The following SELP variants were observed in gnomAD, a reference collection of about 807,000 sequenced individuals.
SELP encodes selectin P, also known as P-selectin.
SELP carries 92 observed loss-of-function variants against 104.1 expected under a neutral mutation model. The ratio of observed to expected loss-of-function variants is 0.88; its 90% CI spans 0.75 to 1.05. The LOEUF (loss-of-function observed/expected upper bound fraction) is 1.05. SELP is among the 50% of genes least tolerant of loss of function. The probability of loss-of-function intolerance (pLI) is 0.00; values close to 1 mark genes in which losing one functional copy is unlikely to be tolerated. For synonymous variants in SELP, 397 were observed against 364.5 expected, an observed-to-expected ratio of 1.09 and a Z score of -1.01; for missense variants, 1,022 against 1,017.3, an observed-to-expected ratio of 1.00 and a Z score of -0.06.
At chr1:169,622,611 C>A (rs1405178439) in intron 1 of SELP, among the ~76,000 whole-genome samples, 2 of 152,152 alleles carry the variant, frequency 1.3e-5, no homozygotes, top group Non-Finnish European at 2.9e-5. Flanking sequence ...CTTGTCAAAA[C>A]TTGCAGTATA....
Position 169,602,680 on chromosome 1 carries a change from C to G in SELP, c.1705+346G>C, listed in dbSNP as rs143745175. Among the ~76,000 whole-genome samples the G allele has an allele frequency of 7.6e-3, 1,154 of 152,254 alleles. 14 individuals are homozygous for G. The highest frequency in any genetic ancestry group is 0.026 in the African/African-American group (1,084 of 41,540). ...AGGCTGGAGTGCAATGGCACAATCT[C>G]AGCTCACTGCAACCTCCACCTCCTG... On this transcript the variant is annotated intron_variant, in intron 10 of 16. Transcript: ENST00000263686.
Position 169,588,951 on chromosome 1 carries a change from TA to T in SELP, c.*511del, listed in dbSNP as rs111784512. On this transcript the variant is annotated 3_prime_UTR_variant, in exon 17 of 17. Transcript: ENST00000263686. The stretch of plus-strand genomic sequence containing the variant: ...AGGTCCACGGTGACATGTGGCCTTC[TA>T]GCTTGATTCTTGGCCTTCTGCAGCC... The T allele has an allele frequency of 2.0e-5, 3 of 152,214 alleles. No homozygotes were observed. Among genetic ancestry groups the T allele is most frequent in the African/African-American group, 7.2e-5 (3 of 41,450 alleles). The allele number at this position is 152,214 out of a possible 1,614,324, so 9.4% of individuals were successfully genotyped here. A position where few individuals can be genotyped will look rare whatever the true frequency, so the allele number is the denominator to read the frequency against.
intron 8 of SELP, among the ~76,000 whole-genome samples, chr1:169,607,403 A>G (rs574369246): frequency 1.2e-4 from 19 of 152,308 alleles, no homozygotes; most frequent in African/African-American, 4.6e-4. Flanking sequence ...CTAAGTATGT[A>G]ATCAAGATGC....
In SELP at chr1:169,603,108, G is replaced by A. The variant is rs112018088; in HGVS notation, c.1623C>T (p.Asp541=). ...CTGGTCCAGACAAAGAATATCCCTC[G>A]TCACAGATGAATTGACATGTGGATT... ...SYKSTCQFIC[D]EGYSLSGPER... The change falls in exon 10 of 17, where the codon GAC becomes GAT. Residue 541 remains aspartate, a synonymous_variant. Transcript: ENST00000263686. The A allele has an allele frequency of 1.4e-4, 228 of 1,613,922 alleles. No homozygotes were observed. In the African/African-American group the frequency reaches 1.8e-3, roughly 13 times the overall value.
chr1:169,612,899 G>A, intron 5 of SELP, 30 bp downstream of exon 5: 1 of 1,521,950 alleles, frequency 6.6e-7, no homozygotes, highest in South Asian at 1.3e-5. Context: ...TTCTATGTCA[G>A]TGAGGATGAA....
chr1:169,625,382 G>A (rs1663325374), intron 1 of SELP, among the ~76,000 whole-genome samples: 1 of 152,130 alleles, frequency 6.6e-6, no homozygotes, highest in Admixed American at 6.5e-5. Context: ...CCACCTCCAT[G>A]GCCCTATTCT....
Position 169,609,521 on chromosome 1 carries a change from G to A in SELP, c.1316C>T (p.Pro439Leu). 1 of 1,613,466 alleles carries A rather than the reference G, an allele frequency of 6.2e-7. No individual in the cohort carries two copies. The part of the protein sequence containing the change: ...RCDNLGQWTA[P>L]APVCQALQCQ... Reference sequence around the variant, plus strand: ...TACAGTACCTTGACAGACTGGGGCTGGTGCTGTCCACTGTCCCAAGTTATC... The same window carrying A: ...TACAGTACCTTGACAGACTGGGGCTAGTGCTGTCCACTGTCCCAAGTTATC... Residue 439 changes from proline to leucine, a missense_variant, in exon 8 of 17, where the codon CCA becomes CTA. Coordinates refer to ENST00000263686, the MANE Select transcript of SELP (RefSeq NM_003005.4).
intron 4 of SELP, 40 bp downstream of exon 4, chr1:169,613,546 G>T: frequency 6.7e-7 from 1 of 1,494,300 alleles, no homozygotes; most frequent in Non-Finnish European, 9.3e-7. Context: ...ATCATCTCTA[G>T]CATAAAACCA....
intron 10 of SELP, among the ~76,000 whole-genome samples, chr1:169,602,545 G>A (rs1374053174): frequency 6.6e-6 from 1 of 152,130 alleles, no homozygotes; most frequent in Middle Eastern, 3.2e-3. Context: ...AGATGATACT[G>A]CCTTTCCTTA....
intron 8 of SELP, among the ~76,000 whole-genome samples, chr1:169,609,120 TA>T (rs146079782): frequency 0.025 from 3,787 of 152,196 alleles, 161 homozygotes; most frequent in African/African-American, 0.081. Context: ...TTACAGAAGA[TA>T]CTGAGCCTCA....
At chr1:169,619,305 G>A (rs1662977430) in intron 1 of SELP, 86 bp from the exon 2 acceptor site, 2 of 1,009,970 alleles carry the variant, frequency 2.0e-6, no homozygotes, top group East Asian at 2.4e-5. Flanking sequence ...TCATTATGTT[G>A]AAGTATAATT....
chr1:169,593,235 A>C (rs1287249216), intron 14 of SELP, among the ~76,000 whole-genome samples: 1 of 152,236 alleles, frequency 6.6e-6, no homozygotes, highest in African/African-American at 2.4e-5. Flanking sequence ...GAGTGAAGTC[A>C]GGAAGCATAA....
chr1:169,630,033 C>G, intron 1 of SELP, 39 bp downstream of exon 1: 1 of 1,614,050 alleles, frequency 6.2e-7, no homozygotes, highest in East Asian at 2.2e-5. Context: ...CACTCCAACT[C>G]ACTTCAACCA....
chr1:169,596,169 C>T (rs1407465554), intron 11 of SELP, 35 bp from the exon 12 acceptor site: 1 of 1,587,472 alleles, frequency 6.3e-7, no homozygotes, highest in Non-Finnish European at 8.6e-7. Flanking sequence ...CAGAGACCTC[C>T]CAATTAAAAG....
chr1:169,596,890 A>G (rs1271702712), intron 11 of SELP, 101 bp downstream of exon 11: 6 of 1,018,860 alleles, frequency 5.9e-6, no homozygotes, highest in African/African-American at 5.1e-5. Context: ...TAATGGTAAT[A>G]TATACAATTA....
intron 14 of SELP, among the ~76,000 whole-genome samples, chr1:169,591,728 C>G (rs188514899): frequency 6.6e-6 from 1 of 152,330 alleles, no homozygotes; most frequent in Non-Finnish European, 1.5e-5. Flanking sequence ...TTGAGGGCAT[C>G]TTGTGTCACT....
chr1:169,618,858 T>C (rs1437524907), intron 2 of SELP, among the ~76,000 whole-genome samples: 1 of 152,228 alleles, frequency 6.6e-6, no homozygotes, highest in East Asian at 1.9e-4. Context: ...ATAAAAGAAA[T>C]TCAGACGTGT....
chr1:169,605,655 C>T (rs1267096657), intron 9 of SELP, among the ~76,000 whole-genome samples: 1 of 152,054 alleles, frequency 6.6e-6, no homozygotes, highest in Non-Finnish European at 1.5e-5. Context: ...TTTACCCATT[C>T]AACTTTATTG....
rs1662041028 is a variant in SELP, at chr1:169,603,756, C to T, written c.1520-545G>A. The stretch of plus-strand genomic sequence containing the variant: ...TACTTGCTAGCAATCTATCACTAGA[C>T]AATAACCTTTCTGAGCCTCAGTTGC... On this transcript the variant is annotated intron_variant, in intron 9 of 16. Coordinates refer to ENST00000263686, the MANE Select transcript of SELP (RefSeq NM_003005.4). Among the ~76,000 whole-genome samples, 4 of 152,168 alleles carry T rather than the reference C, an allele frequency of 2.6e-5. No homozygotes were observed. The South Asian group carries it at 8.3e-4, about 32-fold the overall frequency.
Sources: allele counts gnomAD v4.1 joint callset (sites outside exome capture counted in the v4.1 genomes callset), GRCh38; gene constraint gnomAD v4.1.1; transcripts MANE v1.5; gene names NCBI Gene and HGNC (gene_info 2026-07-23, HGNC 2026-07-21).